CAMK4: variants seen among roughly 807,000 people sequenced by gnomAD.
CAMK4 encodes the protein calcium/calmodulin-dependent protein kinase type IV.
Under a neutral mutation model 44.9 loss-of-function variants are expected in CAMK4, and 22 were observed. The ratio of observed to expected loss-of-function variants is 0.49; its 90% CI spans 0.35 to 0.70. The LOEUF is 0.70. CAMK4 is among the 30% of genes least tolerant of loss of function. The probability of loss-of-function intolerance (pLI) is 0.01; values close to 1 mark genes in which losing one functional copy is unlikely to be tolerated. For missense variants in CAMK4, 498 were observed against 586.8 expected (o/e 0.85, Z 1.56); for synonymous variants, 218 against 215.4 (o/e 1.01, Z -0.11).
chr5:111,368,900 A>G (rs971512014), intron 2 of CAMK4, among the ~76,000 whole-genome samples: 2 of 151,882 alleles, frequency 1.3e-5, no homozygotes, highest in Non-Finnish European at 2.9e-5. Context: ...AAATGAGACT[A>G]TATTGACATT....
intron 7 of CAMK4, among the ~76,000 whole-genome samples, chr5:111,452,033 T>A (rs1445600303): frequency 1.3e-5 from 2 of 152,256 alleles, no homozygotes; most frequent in South Asian, 2.1e-4. Flanking sequence ...TTTATAATAT[T>A]GTTTTAATGA....
Position 111,322,805 on chromosome 5 carries a change from A to T in CAMK4, c.162-21219A>T, listed in dbSNP as rs183238951. Reference sequence around the variant, plus strand: ...ACATAGAGAATGTTTCAGCACAGAAATGGAAACTATGTAAAAGAGCCTAAT... The same window carrying T: ...ACATAGAGAATGTTTCAGCACAGAATTGGAAACTATGTAAAAGAGCCTAAT... On this transcript the variant is annotated intron_variant, in intron 1 of 10. Coordinates refer to ENST00000282356, the MANE Select transcript of CAMK4 (RefSeq NM_001744.6). Among the ~76,000 whole-genome samples, 69 of 152,262 alleles carry T rather than the reference A, an allele frequency of 4.5e-4. 1 individual carries two copies. Among genetic ancestry groups the T allele is most frequent in the African/African-American group, 1.6e-3 (68 of 41,580 alleles).
At position 111,373,828 on chromosome 5, in the gene CAMK4, A is replaced by T. The variant is rs115868038; in HGVS notation, c.241-1022A>T. ...CAGAAACCATAGTAAGAGTGCAGGT[A>T]TCATATCTATCGATTGTTTTGATAA... On this transcript the variant is annotated intron_variant, in intron 2 of 10. Transcript: ENST00000282356. Among the ~76,000 whole-genome samples, 795 of 152,292 alleles carry T rather than the reference A, an allele frequency of 5.2e-3. 7 individuals carry two copies. The highest frequency in any genetic ancestry group is 0.018 in the African/African-American group (735 of 41,572).
intron 7 of CAMK4, among the ~76,000 whole-genome samples, chr5:111,451,441 C>A (rs898691105): frequency 6.6e-6 from 1 of 151,986 alleles, no homozygotes; most frequent in Non-Finnish European, 1.5e-5. Context: ...GGGATTCCAC[C>A]ACACCCAGCT....
intron 2 of CAMK4, among the ~76,000 whole-genome samples, chr5:111,355,518 A>T (rs369967847): frequency 1.1e-4 from 15 of 138,312 alleles, no homozygotes; most frequent in African/African-American, 3.7e-4. Flanking sequence ...TTATTTTATT[A>T]TACTTTAAGT....
intron 2 of CAMK4, among the ~76,000 whole-genome samples, chr5:111,344,970 A>G (rs544986989): frequency 5.1e-4 from 78 of 151,882 alleles, no homozygotes; most frequent in Non-Finnish European, 9.1e-4. Flanking sequence ...GTGAACAAAT[A>G]TGTGAAATGT....
At chr5:111,245,085 G>C (rs796437083) in intron 1 of CAMK4, among the ~76,000 whole-genome samples, 1 of 152,048 alleles carries the variant, frequency 6.6e-6, no homozygotes, top group Admixed American at 6.6e-5. Flanking sequence ...TCACATGGAG[G>C]TAGTACTTTT....
chr5:111,259,418 T>G (rs1749884880), intron 1 of CAMK4, among the ~76,000 whole-genome samples: 1 of 152,222 alleles, frequency 6.6e-6, no homozygotes, highest in African/African-American at 2.4e-5. Flanking sequence ...AGAAATGATT[T>G]TAACCCAAGT....
intron 5 of CAMK4, among the ~76,000 whole-genome samples, chr5:111,412,527 C>A (rs1374304220): frequency 2.6e-5 from 4 of 152,326 alleles, no homozygotes; most frequent in Non-Finnish European, 5.9e-5. Flanking sequence ...CAGTATTTAA[C>A]ACTAGAGGAC....
At chr5:111,337,794 T>G (rs1749471167) in intron 1 of CAMK4, among the ~76,000 whole-genome samples, 1 of 151,166 alleles carries the variant, frequency 6.6e-6, no homozygotes, top group South Asian at 2.1e-4. Flanking sequence ...AAATTAGTAC[T>G]AAAGTTGCAG....
At chr5:111,398,676 C>T (rs1022570280) in intron 5 of CAMK4, among the ~76,000 whole-genome samples, 2 of 152,086 alleles carry the variant, frequency 1.3e-5, no homozygotes, top group South Asian at 2.1e-4. Context: ...CCCACATTTC[C>T]GTCTTTGTAA....
chr5:111,383,506 T>C (rs2044003533), intron 4 of CAMK4, among the ~76,000 whole-genome samples: 1 of 152,174 alleles, frequency 6.6e-6, no homozygotes, highest in Admixed American at 6.5e-5. Flanking sequence ...CAGCAAACGT[T>C]ATGGGCATTA....
At chr5:111,395,281 T>C (rs1039004380) in intron 5 of CAMK4, among the ~76,000 whole-genome samples, 1 of 151,350 alleles carries the variant, frequency 6.6e-6, no homozygotes, top group Non-Finnish European at 1.5e-5. Context: ...TGGAATAAAT[T>C]TGTATTTTCT....
At chr5:111,369,553 T>G (rs1750926797) in intron 2 of CAMK4, among the ~76,000 whole-genome samples, 1 of 152,202 alleles carries the variant, frequency 6.6e-6, no homozygotes, top group Non-Finnish European at 1.5e-5. Context: ...AGAGTATCAT[T>G]GTTTTGCAAA....
At chr5:111,273,842 A>G (rs1400168732) in intron 1 of CAMK4, among the ~76,000 whole-genome samples, 3 of 150,800 alleles carry the variant, frequency 2.0e-5, no homozygotes, top group Non-Finnish European at 4.4e-5. Flanking sequence ...GTGTCTTTTT[A>G]ATATAAAAGG....
chr5:111,375,504 G>C (rs939793863), intron 3 of CAMK4, among the ~76,000 whole-genome samples: 2 of 152,088 alleles, frequency 1.3e-5, no homozygotes, highest in Non-Finnish European at 2.9e-5. Context: ...TTATTTTTAT[G>C]AATTAAGCCA....
intron 1 of CAMK4, among the ~76,000 whole-genome samples, chr5:111,234,501 G>A (rs1748626467): frequency 6.6e-6 from 1 of 152,180 alleles, no homozygotes; most frequent in Non-Finnish European, 1.5e-5. Context: ...TAGAGAAATA[G>A]GGTTTGTTTG....
At chr5:111,425,505 A>C (rs184625800) in intron 5 of CAMK4, among the ~76,000 whole-genome samples, 5 of 152,350 alleles carry the variant, frequency 3.3e-5, no homozygotes, top group African/African-American at 1.2e-4. Context: ...CTTTGAATTA[A>C]GTCTAGCCAC....
chr5:111,470,502 A>G (rs1755026205), intron 7 of CAMK4, among the ~76,000 whole-genome samples: 1 of 152,020 alleles, frequency 6.6e-6, no homozygotes, highest in African/African-American at 2.4e-5. Flanking sequence ...AATGGTGAAA[A>G]TGATGAAAAA....
Sources: gnomAD v4.1 joint callset for allele counts (sites outside exome capture counted in the v4.1 genomes callset) on GRCh38, gnomAD v4.1.1 for gene constraint, MANE v1.5 for transcripts, NCBI Gene and HGNC (gene_info 2026-07-23, HGNC 2026-07-21) for gene names.